Variants in HDAC9 observed in about 807,000 individuals in gnomAD.
The protein encoded by HDAC9 is histone deacetylase 9.
HDAC9 carries 41 observed loss-of-function variants against 139.4 expected under a neutral mutation model. That is an observed-to-expected ratio of 0.29 (90% CI 0.23 to 0.38). The LOEUF is 0.38. Ranked by LOEUF, HDAC9 falls within the 10% of genes least tolerant of loss-of-function variation. The pLI is 1.00. For synonymous variants in HDAC9, 517 were observed against 476.2 expected (o/e 1.09, Z -1.12); for missense variants, 1,147 against 1,297.0 (o/e 0.88, Z 1.78).
intron 8 of HDAC9, among the ~76,000 whole-genome samples, chr7:18,643,054 A>G (rs1424140952): frequency 2.0e-5 from 3 of 152,124 alleles, no homozygotes; most frequent in Middle Eastern, 3.2e-3. Flanking sequence ...TTTATTTTAA[A>G]TTACTATTTA....
chr7:18,442,128 T>G (rs1027365481), intron 1 of HDAC9, among the ~76,000 whole-genome samples: 1 of 152,082 alleles, frequency 6.6e-6, no homozygotes, highest in Non-Finnish European at 1.5e-5. Flanking sequence ...TTTTCACAGA[T>G]TTTCAATTCC....
At chr7:18,872,090 G>C (rs1337599544) in intron 21 of HDAC9, among the ~76,000 whole-genome samples, 1 of 152,102 alleles carries the variant, frequency 6.6e-6, no homozygotes, top group Non-Finnish European at 1.5e-5. Flanking sequence ...TGATGCCTCT[G>C]TTCTCATCAT....
intron 1 of HDAC9, among the ~76,000 whole-genome samples, chr7:18,150,097 GCAC>G (rs901999754): frequency 6.9e-6 from 1 of 144,610 alleles, no homozygotes; most frequent in African/African-American, 2.6e-5. Context: ...TTTTTTAAGT[GCAC>G]AAATATTTTA....
intron 1 of HDAC9, among the ~76,000 whole-genome samples, chr7:18,128,529 A>G (rs1232968980): frequency 6.6e-6 from 1 of 152,008 alleles, no homozygotes; most frequent in African/African-American, 2.4e-5. Flanking sequence ...CTTTCTCAGA[A>G]CTGCTTCTCA....
At chr7:18,876,330 G>A (rs1399682256) in intron 22 of HDAC9, among the ~76,000 whole-genome samples, 1 of 151,864 alleles carries the variant, frequency 6.6e-6, no homozygotes, top group Non-Finnish European at 1.5e-5. Context: ...CCCTCCCCTC[G>A]TTCCCAGTCC....
intron 2 of HDAC9, among the ~76,000 whole-genome samples, chr7:18,236,974 C>T (rs1264674926): frequency 1.3e-5 from 2 of 152,204 alleles, no homozygotes; most frequent in Non-Finnish European, 2.9e-5. Flanking sequence ...TCAGTTTTAA[C>T]AAAGAAATTC....
At chr7:18,283,373 C>T (rs1256394043) in intron 2 of HDAC9, among the ~76,000 whole-genome samples, 1 of 152,186 alleles carries the variant, frequency 6.6e-6, no homozygotes, top group Non-Finnish European at 1.5e-5. Context: ...CACCAGGCCC[C>T]TCCACCAATA....
At chr7:18,229,838 G>T (rs1789534365) in intron 2 of HDAC9, among the ~76,000 whole-genome samples, 1 of 152,134 alleles carries the variant, frequency 6.6e-6, no homozygotes, top group Non-Finnish European at 1.5e-5. Flanking sequence ...TCAATTTGAT[G>T]AAGTCACACT....
intron 6 of HDAC9, among the ~76,000 whole-genome samples, chr7:18,603,594 C>G (rs1227270145): frequency 6.6e-6 from 1 of 152,040 alleles, no homozygotes; most frequent in Non-Finnish European, 1.5e-5. Context: ...TAATCTCTCC[C>G]TTTTATTCTT....
At chr7:18,747,925 T>C (rs1439710593) in intron 13 of HDAC9, among the ~76,000 whole-genome samples, 1 of 152,214 alleles carries the variant, frequency 6.6e-6, no homozygotes, top group Non-Finnish European at 1.5e-5. Context: ...TAAACTTCTT[T>C]TACAGCATAA....
In HDAC9 at chr7:18,435,059, C is replaced by CAAAAA. The variant is rs376786180; in HGVS notation, c.-41-61185_-41-61181dup. On this transcript the variant is annotated intron_variant, in intron 1 of 3. Coordinates refer to the HDAC9 transcript ENST00000413509. ...TATACCCCATGAAATACTACACAGC[C>CAAAAA]AAAAAAAAAAAAAAAAAAAAAAGAA... Among the ~76,000 whole-genome samples, 577 of 67,764 alleles carry CAAAAA rather than the reference C, an allele frequency of 8.5e-3. 20 individuals carry two copies. Among genetic ancestry groups the CAAAAA allele is most frequent in the Non-Finnish European group, 0.013 (489 of 38,332 alleles). 44.5% of individuals were successfully genotyped at this position (67,764 alleles called of 152,430 possible).
chr7:18,088,068 C>A (rs1219611674), intron 1 of HDAC9: 3 of 152,184 alleles, frequency 2.0e-5, no homozygotes, highest in African/African-American at 2.4e-5. Context: ...TCAGGAAGAT[C>A]TGTCAATTGT....
intron 1 of HDAC9, among the ~76,000 whole-genome samples, chr7:18,291,963 A>G (rs987457719): frequency 6.6e-6 from 1 of 152,120 alleles, no homozygotes; most frequent in Admixed American, 6.6e-5. Context: ...AGGCTGCCTC[A>G]TATCTGAGCT....
At chr7:18,960,033 CACACACACAG>C (rs1441651100) in intron 24 of HDAC9, among the ~76,000 whole-genome samples, 1 of 151,918 alleles carries the variant, frequency 6.6e-6, no homozygotes, top group Admixed American at 6.6e-5. Flanking sequence ...CACACACACA[CACACACACAG>C]AGTATTATTT....
chr7:18,161,059 A>G (rs1787597095), intron 1 of HDAC9, among the ~76,000 whole-genome samples: 1 of 152,234 alleles, frequency 6.6e-6, no homozygotes, highest in African/African-American at 2.4e-5. Flanking sequence ...TGTTAATAAA[A>G]CAGCACATCA....
chr7:18,437,356 T>A lies in HDAC9; in HGVS notation c.-41-58906T>A, dbSNP rs140856805. On this transcript the variant is annotated intron_variant, in intron 1 of 3. Coordinates refer to the HDAC9 transcript ENST00000413509. Reference sequence around the variant, plus strand: ...CTTCAGCCAACCAAAGTCAGACCCCTGAATCACCAGTGTGTATCTCTGCGA... The same window carrying A: ...CTTCAGCCAACCAAAGTCAGACCCCAGAATCACCAGTGTGTATCTCTGCGA... Among the ~76,000 whole-genome samples the A allele has an allele frequency of 4.8e-4, 73 of 152,268 alleles. No homozygotes were observed. The East Asian group carries it at 6.4e-3, about 13-fold the overall frequency.
At chr7:18,297,060 C>T (rs896385740) in intron 1 of HDAC9, among the ~76,000 whole-genome samples, 19 of 152,056 alleles carry the variant, frequency 1.2e-4, no homozygotes, top group South Asian at 2.1e-4. Flanking sequence ...GACTTAGAGA[C>T]GTCATTGTTG....
chr7:18,183,561 A>G (rs1483253708), intron 2 of HDAC9, among the ~76,000 whole-genome samples: 1 of 152,180 alleles, frequency 6.6e-6, no homozygotes, highest in African/African-American at 2.4e-5. Flanking sequence ...CCCACAGAAG[A>G]TAGCTGCTTT....
At chr7:18,481,479 A>C (rs1795545226) in intron 1 of HDAC9, among the ~76,000 whole-genome samples, 1 of 152,162 alleles carries the variant, frequency 6.6e-6, no homozygotes, top group East Asian at 1.9e-4. Context: ...ATTAACTACA[A>C]CACCACTATA....
Sources: gnomAD v4.1 joint callset for allele counts (sites outside exome capture counted in the v4.1 genomes callset) on GRCh38, gnomAD v4.1.1 for gene constraint, MANE v1.5 for transcripts, NCBI Gene and HGNC (gene_info 2026-07-23, HGNC 2026-07-21) for gene names.